DOCK1: variants seen among roughly 807,000 people sequenced by gnomAD.
The protein encoded by DOCK1 is dedicator of cytokinesis 1, also known as dedicator of cytokinesis protein 1.
DOCK1 carries 138 observed loss-of-function variants against 262.7 expected under a neutral mutation model. That is an observed-to-expected ratio of 0.53 (90% confidence interval 0.46 to 0.61). The LOEUF (loss-of-function observed/expected upper bound fraction) is 0.61, where lower values mean the gene tolerates loss of function less well. DOCK1 is among the 20% of genes least tolerant of loss of function. The pLI, the probability that DOCK1 is intolerant of heterozygous loss-of-function variation, is 0.00. For synonymous variants in DOCK1, 866 were observed against 867.4 expected (o/e 1.00, Z 0.03); for missense variants, 1,908 against 2,370.7 (o/e 0.80, Z 4.05).
intron 1 of DOCK1, among the ~76,000 whole-genome samples, chr10:126,942,621 C>T (rs965399434): frequency 1.3e-5 from 2 of 152,248 alleles, no homozygotes; most frequent in African/African-American, 2.4e-5. Flanking sequence ...GAGCCAGCCC[C>T]GAGGGAGCCG....
At position 127,272,768 on chromosome 10, in the gene DOCK1, T is replaced by G. The variant is rs180820616; in HGVS notation, c.3044+15339T>G. ...ATTGGACTTACAGTTCTATGTGGCT[T>G]GGGAGGCCTCACCATCATGGCAGAA... On this transcript the variant is annotated intron_variant, in intron 29 of 51. Coordinates refer to ENST00000623213, the MANE Select transcript of DOCK1 (RefSeq NM_001290223.2). Among the ~76,000 whole-genome samples the G allele has an allele frequency of 3.3e-4, 50 of 152,318 alleles. No individual in the cohort carries two copies. In the East Asian group the frequency reaches 8.5e-3, roughly 26 times the overall value.
chr10:127,284,747 G>C (rs1027044150), intron 29 of DOCK1, among the ~76,000 whole-genome samples: 6 of 152,174 alleles, frequency 3.9e-5, no homozygotes, highest in African/African-American at 7.2e-5. Flanking sequence ...GTCAGACCCT[G>C]TCTCTAAATA....
chr10:126,975,761 G>A (rs2038484418), intron 2 of DOCK1, among the ~76,000 whole-genome samples: 1 of 150,710 alleles, frequency 6.6e-6, no homozygotes, highest in Non-Finnish European at 1.5e-5. Flanking sequence ...GGTATTACAG[G>A]TGCACGCCAC....
chr10:127,251,122 C>T (rs943174361), intron 28 of DOCK1, among the ~76,000 whole-genome samples: 2 of 151,688 alleles, frequency 1.3e-5, no homozygotes, highest in African/African-American at 4.8e-5. Context: ...ACCACCACAC[C>T]CGGCTAATTT....
chr10:127,444,201 TC>T lies in DOCK1; in HGVS notation c.5340del (p.Ser1781ArgfsTer28). The T allele has an allele frequency of 6.2e-7, 1 of 1,607,368 alleles. No homozygotes were observed. Among genetic ancestry groups the T allele is most frequent in the Middle Eastern group, 1.7e-4 (1 of 6,060 alleles). ...VIGSERRFSV[S>X]PSSPSSQQTP... ...TGGAAGCGAAAGGCGCTTCTCGGTG[TC>T]CCCCTCGTCACCGTCCTCCCAGCAA... On this transcript the variant is annotated frameshift_variant, in exon 50 of 52. Transcript: ENST00000623213. LOFTEE classifies it high-confidence loss of function.
chr10:126,950,271 G>T (rs1254039026), intron 1 of DOCK1, among the ~76,000 whole-genome samples: 1 of 152,074 alleles, frequency 6.6e-6, no homozygotes, highest in Non-Finnish European at 1.5e-5. Flanking sequence ...TCTGTGTCAT[G>T]TCTTGTCTCC....
chr10:127,312,267 A>C (rs150752484), intron 29 of DOCK1, among the ~76,000 whole-genome samples: 1 of 152,312 alleles, frequency 6.6e-6, no homozygotes, highest in East Asian at 1.9e-4. Context: ...GGCAGTGTCC[A>C]TAGAAATAGC....
intron 23 of DOCK1, among the ~76,000 whole-genome samples, chr10:127,090,979 T>G (rs2047489156): frequency 7.0e-6 from 1 of 142,826 alleles, no homozygotes; most frequent in Non-Finnish European, 1.5e-5. Flanking sequence ...TGAACGTCTA[T>G]TTGGTTTTTT....
In DOCK1 at chr10:127,209,805, G is replaced by A. The variant is rs144729930; in HGVS notation, c.2848-38203G>A. ...TGGAAAGAACTTTGGAGTGTCCCAGGGATTGCAAAGGTGGTTATAAATGCA... is the reference window on the plus strand; with the variant it reads ...TGGAAAGAACTTTGGAGTGTCCCAGAGATTGCAAAGGTGGTTATAAATGCA... On this transcript the variant is annotated intron_variant, in intron 27 of 51. Coordinates refer to ENST00000623213, the MANE Select transcript of DOCK1 (RefSeq NM_001290223.2). Among the ~76,000 whole-genome samples the A allele has an allele frequency of 4.1e-3, 619 of 152,252 alleles. 5 individuals are homozygous for A. Among genetic ancestry groups the A allele is most frequent in the African/African-American group, 0.014 (583 of 41,544 alleles).
chr10:127,319,217 T>C (rs1333801125), intron 29 of DOCK1, among the ~76,000 whole-genome samples: 2 of 152,272 alleles, frequency 1.3e-5, no homozygotes, highest in African/African-American at 4.8e-5. Context: ...TTTGCTTTTC[T>C]TTTAAATAGG....
chr10:126,926,219 C>T (rs191833818), intron 1 of DOCK1, among the ~76,000 whole-genome samples: 13 of 151,944 alleles, frequency 8.6e-5, no homozygotes, highest in Admixed American at 4.6e-4. Context: ...ACAGAGCCAC[C>T]GAAGTGTTTT....
At chr10:126,945,604 C>T (rs36174218) in intron 1 of DOCK1, among the ~76,000 whole-genome samples, 8,281 of 152,192 alleles carry the variant, frequency 0.054, 285 homozygotes, top group African/African-American at 0.089. Context: ...CCATACTCAA[C>T]GGGATCATTT....
Position 127,256,973 on chromosome 10 carries a change from G to A in DOCK1, c.2950-362G>A, listed in dbSNP as rs185135541. ...GTTCATCATGAAAAATTGATTTAGA[G>A]CAAACATAAGAAAAAGCTGTAACCT... On this transcript the variant is annotated intron_variant, in intron 28 of 51. Coordinates refer to ENST00000623213, the MANE Select transcript of DOCK1 (RefSeq NM_001290223.2). Among the ~76,000 whole-genome samples the A allele has an allele frequency of 3.2e-4, 48 of 152,240 alleles. 1 individual carries two copies. In the East Asian group the frequency reaches 9.3e-3, roughly 29 times the overall value.
chr10:127,423,703 G>A (rs2068644633), intron 46 of DOCK1, among the ~76,000 whole-genome samples: 1 of 152,182 alleles, frequency 6.6e-6, no homozygotes, highest in Non-Finnish European at 1.5e-5. Context: ...CTGATGACAA[G>A]CATGACTGTT....
chr10:127,353,565 G>C (rs2063991616), intron 31 of DOCK1, among the ~76,000 whole-genome samples: 1 of 152,232 alleles, frequency 6.6e-6, no homozygotes, highest in African/African-American at 2.4e-5. Context: ...AACCGAGTCT[G>C]CCTGCATCAG....
chr10:127,427,402 T>C (rs1229710562), intron 47 of DOCK1, among the ~76,000 whole-genome samples: 1 of 152,196 alleles, frequency 6.6e-6, no homozygotes, highest in Non-Finnish European at 1.5e-5. Flanking sequence ...CCCTGTTTTC[T>C]TTGACACATT....
At chr10:126,917,132 G>A (rs983186640) in intron 1 of DOCK1, among the ~76,000 whole-genome samples, 12 of 152,294 alleles carry the variant, frequency 7.9e-5, no homozygotes, top group Admixed American at 6.5e-4. Flanking sequence ...CAGACACCCC[G>A]AGCAGCTCTG....
chr10:127,027,901 C>T (rs61873968), intron 16 of DOCK1, among the ~76,000 whole-genome samples: 3 of 151,832 alleles, frequency 2.0e-5, no homozygotes, highest in Admixed American at 6.6e-5. Context: ...TGCTGTTGTT[C>T]AGGGGAGTTG....
chr10:127,012,830 T>C lies in DOCK1; in HGVS notation c.1201+456T>C, dbSNP rs2041568149. On this transcript the variant is annotated intron_variant, in intron 12 of 51. Transcript: ENST00000623213. The surrounding 1 kb of genome is among the most constrained non-coding windows in gnomAD (Gnocchi z 4.0). ...GTTTTTAATCCTGCACTGACACGTT[T>C]CTGAGCAGCTGACCTGCTGCTGGCA... 6.6e-6 allele frequency among the ~76,000 whole-genome samples: 1 copy of C among 152,190 alleles called. No individual in the cohort carries two copies. The highest frequency in any genetic ancestry group is 2.4e-5 in the African/African-American group (1 of 41,448).
Sources: gnomAD v4.1 joint callset for allele counts (sites outside exome capture counted in the v4.1 genomes callset) on GRCh38, gnomAD v4.1.1 for gene constraint, Gnocchi (gnomAD v3.1) non-coding constraint, MANE v1.5 for transcripts, NCBI Gene and HGNC (gene_info 2026-07-23, HGNC 2026-07-21) for gene names.